Variants in PDE4B observed in about 807,000 individuals in gnomAD.
PDE4B encodes 3',5'-cyclic-AMP phosphodiesterase 4B.
In PDE4B, 20 loss-of-function variants were observed where a neutral mutation model predicts 82.2. The observed-to-expected ratio is 0.24, with a 90% CI of 0.17 to 0.35. The LOEUF (loss-of-function observed/expected upper bound fraction) is 0.35. Ranked by LOEUF, PDE4B falls within the 10% of genes least tolerant of loss-of-function variation. The probability of loss-of-function intolerance (pLI) is 1.00; values close to 1 mark genes in which losing one functional copy is unlikely to be tolerated. For synonymous variants in PDE4B, 320 were observed against 318.9 expected, an observed-to-expected ratio of 1.00 and a Z score of -0.04; for missense variants, 655 against 907.2, an observed-to-expected ratio of 0.72 and a Z score of 3.57.
rs199590970 is a variant in PDE4B, at chr1:66,120,760, C to A, written c.282-126700C>A. ...ACTGCCTCTACCCCTCTCTATTTTT[C>A]CTTCACCAGCTCCAATTCTGGCTTC... On this transcript the variant is annotated intron_variant, in intron 3 of 16. Transcript: ENST00000341517. Among the ~76,000 whole-genome samples the A allele has an allele frequency of 3.3e-5, 5 of 152,172 alleles. No homozygotes were observed. In the East Asian group the frequency reaches 9.7e-4, roughly 29 times the overall value.
At chr1:66,359,003 G>A (rs1274385348) in intron 9 of PDE4B, among the ~76,000 whole-genome samples, 1 of 152,180 alleles carries the variant, frequency 6.6e-6, no homozygotes, top group African/African-American at 2.4e-5. Flanking sequence ...GCTCCAGGTT[G>A]CTGGTGCAAG....
intron 3 of PDE4B, among the ~76,000 whole-genome samples, chr1:65,964,003 C>T (rs889133079): frequency 6.6e-6 from 1 of 152,060 alleles, no homozygotes; most frequent in African/African-American, 2.4e-5. Flanking sequence ...TGTCAGCTTT[C>T]CTAAAAGCAA....
intron 3 of PDE4B, among the ~76,000 whole-genome samples, chr1:66,167,908 C>T (rs1646766530): frequency 6.6e-6 from 1 of 152,062 alleles, no homozygotes; most frequent in Admixed American, 6.5e-5. Flanking sequence ...CATTGTATTG[C>T]CAGATTAGAT....
chr1:66,077,098 C>T (rs1311882229), intron 3 of PDE4B, among the ~76,000 whole-genome samples: 5 of 151,980 alleles, frequency 3.3e-5, no homozygotes, highest in African/African-American at 9.7e-5. Context: ...AGGCCAACAT[C>T]AAGAAGGGTA....
chr1:66,343,078 A>T, intron 8 of PDE4B, among the ~76,000 whole-genome samples: 1 of 152,294 alleles, frequency 6.6e-6, no homozygotes, highest in Admixed American at 6.5e-5. Flanking sequence ...CAACAAAAAA[A>T]AACAAAAAAA....
At chr1:66,205,327 C>T (rs1649459360) in intron 3 of PDE4B, among the ~76,000 whole-genome samples, 1 of 152,174 alleles carries the variant, frequency 6.6e-6, no homozygotes, top group Admixed American at 6.5e-5. Context: ...TGTAATAAAT[C>T]TCCCTTTTAA....
At chr1:66,103,776 G>T (rs1645276306) in intron 3 of PDE4B, among the ~76,000 whole-genome samples, 1 of 152,034 alleles carries the variant, frequency 6.6e-6, no homozygotes, top group South Asian at 2.1e-4. Flanking sequence ...TGTGGTCTCT[G>T]AATGAAATTC....
intron 4 of PDE4B, among the ~76,000 whole-genome samples, chr1:66,252,319 C>T (rs888146002): frequency 1.3e-5 from 2 of 152,110 alleles, no homozygotes; most frequent in Admixed American, 6.6e-5. Flanking sequence ...ATTAAAGAAG[C>T]TCTCATCAGC....
chr1:66,364,254 T>C (rs1218381895), intron 12 of PDE4B, among the ~76,000 whole-genome samples: 2 of 152,144 alleles, frequency 1.3e-5, no homozygotes, highest in Non-Finnish European at 2.9e-5. Context: ...CTTAGTCTCC[T>C]AAAAAATTAT....
intron 3 of PDE4B, among the ~76,000 whole-genome samples, chr1:66,222,611 A>G (rs529472062): frequency 8.3e-4 from 126 of 152,356 alleles, no homozygotes; most frequent in African/African-American, 2.9e-3. Flanking sequence ...CCAAATGTTA[A>G]CAATTATGCT....
intron 3 of PDE4B, among the ~76,000 whole-genome samples, chr1:66,218,470 T>C (rs1370243858): frequency 6.6e-6 from 1 of 152,162 alleles, no homozygotes; most frequent in African/African-American, 2.4e-5. Flanking sequence ...TTGGGCTCAG[T>C]GATTACTGCT....
chr1:65,930,148 T>A (rs1647750768), intron 3 of PDE4B, among the ~76,000 whole-genome samples: 1 of 152,162 alleles, frequency 6.6e-6, no homozygotes, highest in Admixed American at 6.5e-5. Context: ...GGGAGAAAGA[T>A]ATAGGCTGGG....
intron 3 of PDE4B, among the ~76,000 whole-genome samples, chr1:66,197,131 A>G (rs1648385385): frequency 6.6e-6 from 1 of 152,144 alleles, no homozygotes; most frequent in African/African-American, 2.4e-5. Flanking sequence ...TCTTGAAATT[A>G]CCAAATAGGA....
In PDE4B at chr1:65,997,662, G is replaced by A. The variant is rs191157497; in HGVS notation, c.281+78827G>A. Among the ~76,000 whole-genome samples the A allele has an allele frequency of 2.5e-3, 388 of 152,222 alleles. 1 individual carries two copies. The highest frequency in any genetic ancestry group is 4.5e-3 in the Non-Finnish European group (307 of 68,000). ...TTTTGAGAGATGTCTGTCTTTACAT[G>A]TTTATTGATTCAACATTTGTTTGAA... On this transcript the variant is annotated intron_variant, in intron 3 of 16. Transcript: ENST00000341517.
At chr1:66,053,583 C>T (rs763215781) in intron 3 of PDE4B, among the ~76,000 whole-genome samples, 7 of 152,230 alleles carry the variant, frequency 4.6e-5, no homozygotes, top group African/African-American at 9.6e-5. Context: ...GGGGGCTGGG[C>T]GCAGTGGCTT....
At chr1:65,989,374 G>A (rs1387050329) in intron 3 of PDE4B, among the ~76,000 whole-genome samples, 1 of 151,950 alleles carries the variant, frequency 6.6e-6, no homozygotes, top group African/African-American at 2.4e-5. Context: ...GGTGGTGGGC[G>A]CCTGTAATCT....
intron 1 of PDE4B, among the ~76,000 whole-genome samples, chr1:65,823,262 GGT>G (rs1257837044): frequency 6.6e-6 from 1 of 151,836 alleles, no homozygotes; most frequent in Non-Finnish European, 1.5e-5. Flanking sequence ...TGGGTGTGGT[GGT>G]GTGTGTCTGT....
intron 3 of PDE4B, among the ~76,000 whole-genome samples, chr1:65,954,927 T>A (rs1324210097): frequency 1.3e-5 from 2 of 152,124 alleles, no homozygotes; most frequent in African/African-American, 2.4e-5. Flanking sequence ...GTATTTTTTT[T>A]AAAATGAAGT....
chr1:66,235,440 T>A (rs1454753287), intron 3 of PDE4B, among the ~76,000 whole-genome samples: 1 of 152,228 alleles, frequency 6.6e-6, no homozygotes, highest in African/African-American at 2.4e-5. Context: ...TTTATCATTA[T>A]GAAATCATCC....
Sources: allele counts gnomAD v4.1 joint callset (sites outside exome capture counted in the v4.1 genomes callset), GRCh38; gene constraint gnomAD v4.1.1; transcripts MANE v1.5; gene names NCBI Gene and HGNC (gene_info 2026-07-23, HGNC 2026-07-21).